The following SULF2 variants were observed in gnomAD, a reference collection of about 807,000 sequenced individuals.
The protein encoded by SULF2 is extracellular sulfatase Sulf-2.
In SULF2, 52 loss-of-function variants were observed where a neutral mutation model predicts 107.7. That is an observed-to-expected ratio of 0.48 (90% CI 0.39 to 0.61). The LOEUF is 0.61. Ranked by LOEUF, SULF2 falls within the 20% of genes least tolerant of loss-of-function variation. SULF2 has a pLI of 0.00. For missense variants in SULF2, 993 were observed against 1,177.3 expected (o/e 0.84, Z 2.29); for synonymous variants, 460 against 464.3 (o/e 0.99, Z 0.12).
chr20:47,715,826 G>A (rs1385631960), intron 3 of SULF2, among the ~76,000 whole-genome samples: 3 of 152,122 alleles, frequency 2.0e-5, no homozygotes, highest in African/African-American at 7.2e-5. Context: ...TGATCCACCC[G>A]CCTTGGCCTC....
rs771452941 is a variant in SULF2, at chr20:47,676,673, G to A, written c.1251-50C>T. 1.9e-6 allele frequency: 3 copies of A among 1,543,836 alleles called. No individual in the cohort carries two copies. In the Admixed American group the frequency reaches 5.9e-5, roughly 30 times the overall value. On this transcript the variant is annotated intron_variant, in intron 9 of 20. Transcript: ENST00000688720. ...CGGGGCCGGCCTCTCAGCTCTGGAG[G>A]AGCCCCGGAGGCATGTGTGCCCACC...
intron 1 of SULF2, among the ~76,000 whole-genome samples, chr20:47,762,184 C>T (rs959196628): frequency 3.3e-5 from 5 of 152,244 alleles, no homozygotes; most frequent in African/African-American, 1.2e-4. Flanking sequence ...GTCCCTCCAT[C>T]GGGAAACACT....
At chr20:47,714,899 T>C (rs2089063169) in intron 3 of SULF2, among the ~76,000 whole-genome samples, 1 of 152,104 alleles carries the variant, frequency 6.6e-6, no homozygotes, top group East Asian at 1.9e-4. Context: ...TTCCTCACCT[T>C]TCCCAGCTAT....
chr20:47,681,453 A>G (rs533945588), intron 7 of SULF2, among the ~76,000 whole-genome samples: 11 of 152,048 alleles, frequency 7.2e-5, no homozygotes, highest in East Asian at 3.9e-4. Context: ...CAAACCCCCA[A>G]TGTCAGTGTT....
intron 3 of SULF2, among the ~76,000 whole-genome samples, chr20:47,721,325 G>A (rs1490034885): frequency 1.3e-5 from 2 of 152,056 alleles, no homozygotes; most frequent in East Asian, 3.9e-4. Flanking sequence ...CGAGCTGGGG[G>A]CTGGGAGAAA....
At chr20:47,717,029 G>A (rs773517695) in intron 3 of SULF2, among the ~76,000 whole-genome samples, 64 of 151,960 alleles carry the variant, frequency 4.2e-4, no homozygotes, top group African/African-American at 1.5e-3. Context: ...AATAAAATGG[G>A]TATGCAGATG....
intron 1 of SULF2, among the ~76,000 whole-genome samples, chr20:47,776,178 GACC>G (rs916452127): frequency 6.6e-5 from 10 of 152,330 alleles, no homozygotes; most frequent in Admixed American, 2.0e-4. Context: ...GGATGGTGGG[GACC>G]ACATCTCCCC....
intron 11 of SULF2, among the ~76,000 whole-genome samples, chr20:47,671,345 C>T (rs980905178): frequency 4.6e-5 from 7 of 152,098 alleles, no homozygotes; most frequent in African/African-American, 7.2e-5. Context: ...CTCACTCTGT[C>T]GCCCAGGCTG....
At chr20:47,660,253 G>A (rs2087022311) in intron 18 of SULF2, among the ~76,000 whole-genome samples, 1 of 152,232 alleles carries the variant, frequency 6.6e-6, no homozygotes, top group Non-Finnish European at 1.5e-5. Context: ...ACAGAGCCTG[G>A]CACACAGTGA....
intron 3 of SULF2, among the ~76,000 whole-genome samples, chr20:47,709,721 C>A (rs2088862552): frequency 6.6e-6 from 1 of 151,936 alleles, no homozygotes. Flanking sequence ...ACTGAAGCTG[C>A]TGGCAGCCAT....
At chr20:47,740,027 C>A (rs2089840569) in intron 2 of SULF2, among the ~76,000 whole-genome samples, 1 of 152,230 alleles carries the variant, frequency 6.6e-6, no homozygotes, top group Admixed American at 6.5e-5. Flanking sequence ...GGTGTTGCAA[C>A]CTTCTGATAT....
At chr20:47,743,865 C>T (rs1034881702) in intron 2 of SULF2, among the ~76,000 whole-genome samples, 5 of 152,196 alleles carry the variant, frequency 3.3e-5, no homozygotes, top group African/African-American at 4.8e-5. Context: ...TGCCTCAGGA[C>T]CTTTGCACCT....
intron 2 of SULF2, among the ~76,000 whole-genome samples, chr20:47,743,513 T>C (rs900421554): frequency 4.6e-5 from 7 of 152,238 alleles, no homozygotes; most frequent in Non-Finnish European, 8.8e-5. Context: ...CTTCACCACG[T>C]TGCCCGGGCT....
rs77406431 is a variant in SULF2 at position 47,696,524 on chromosome 20, T to G, written c.567+5995A>C. 9.1e-3 allele frequency among the ~76,000 whole-genome samples: 1,393 copies of G among 152,336 alleles called. 21 individuals are homozygous for G. Among genetic ancestry groups the G allele is most frequent in the African/African-American group, 0.032 (1,318 of 41,562 alleles). On this transcript the variant is annotated intron_variant, in intron 4 of 20. Coordinates refer to ENST00000688720, the MANE Select transcript of SULF2 (RefSeq NM_001387048.1). The stretch of plus-strand genomic sequence containing the variant: ...TTTTATATTATTAATCACATCATAC[T>G]GTACATATTCATTTATCTATCTGAC...
intron 19 of SULF2, 94 bp downstream of exon 19, chr20:47,659,603 C>T: frequency 7.2e-7 from 1 of 1,386,042 alleles, no homozygotes. Flanking sequence ...AGGGCAGTTT[C>T]TCAAGATAAC....
At chr20:47,682,425 T>G (rs1591171) in intron 7 of SULF2, among the ~76,000 whole-genome samples, 2 of 151,860 alleles carry the variant, frequency 1.3e-5, no homozygotes, top group African/African-American at 2.4e-5. Flanking sequence ...CCGGGAACAG[T>G]GGCCTGTCCG....
chr20:47,755,750 C>T (rs1360022590), intron 2 of SULF2, among the ~76,000 whole-genome samples: 1 of 152,070 alleles, frequency 6.6e-6, no homozygotes, highest in Non-Finnish European at 1.5e-5. Flanking sequence ...GAGGTCACGG[C>T]CTTCCTCTTC....
chr20:47,755,960 T>C (rs563965316), intron 2 of SULF2, among the ~76,000 whole-genome samples: 1 of 152,120 alleles, frequency 6.6e-6, no homozygotes, highest in East Asian at 1.9e-4. Context: ...TATCTCAGTA[T>C]CTTTGAATTT....
In SULF2 at chr20:47,772,860, CA is replaced by C. The variant is rs766450559; in HGVS notation, c.-101+12482del. ...CGGTCTGGCACAAGACTTGGCAATG[CA>C]AGAAGTCTGGATGTTGTCTGGTGAC... On this transcript the variant is annotated intron_variant, in intron 1 of 20. Transcript: ENST00000688720. Among the ~76,000 whole-genome samples, 254 of 152,212 alleles carry C rather than the reference CA, an allele frequency of 1.7e-3. 2 individuals are homozygous for C. Among genetic ancestry groups the C allele is most frequent in the Non-Finnish European group, 1.4e-3 (96 of 68,022 alleles).
Sources: gnomAD v4.1 joint callset for allele counts (sites outside exome capture counted in the v4.1 genomes callset) on GRCh38, gnomAD v4.1.1 for gene constraint, MANE v1.5 for transcripts, NCBI Gene and HGNC (gene_info 2026-07-23, HGNC 2026-07-21) for gene names.